The following PARP12 variants were observed in gnomAD, a reference collection of about 807,000 sequenced individuals.
PARP12 encodes protein mono-ADP-ribosyltransferase PARP12.
In PARP12, 59 loss-of-function variants were observed where a neutral mutation model predicts 72.4. The ratio of observed to expected loss-of-function variants is 0.81; its 90% CI spans 0.66 to 1.01. The LOEUF is 1.01. Ranked by LOEUF, PARP12 falls within the 50% of genes least tolerant of loss-of-function variation. The pLI is 0.00. For synonymous variants in PARP12, 403 were observed against 371.4 expected, an observed-to-expected ratio of 1.09 and a Z score of -0.98; for missense variants, 851 against 914.0, an observed-to-expected ratio of 0.93 and a Z score of 0.89.
intron 4 of PARP12, among the ~76,000 whole-genome samples, chr7:140,050,264 A>G (rs918521214): frequency 4.6e-5 from 7 of 152,204 alleles, no homozygotes; most frequent in Non-Finnish European, 7.3e-5. Flanking sequence ...ACCCAGGCCA[A>G]TCCCAATGAG....
At chr7:140,040,276 C>T (rs1017877792) in intron 6 of PARP12, among the ~76,000 whole-genome samples, 6 of 152,182 alleles carry the variant, frequency 3.9e-5, no homozygotes, top group Admixed American at 3.9e-4. Flanking sequence ...ACCCAGAGAG[C>T]TTATCTGGAT....
intron 8 of PARP12, among the ~76,000 whole-genome samples, chr7:140,030,784 A>G (rs1193020571): frequency 1.3e-5 from 2 of 152,168 alleles, no homozygotes; most frequent in Non-Finnish European, 2.9e-5. Context: ...AAACATTATG[A>G]GATTTTCTTG....
chr7:140,028,645 C>T lies in PARP12; in HGVS notation c.1465G>A (p.Asp489Asn). Reference sequence around the variant, plus strand: ...CCTGGGTCTGGCAGGGCAGAGGAGTCCCAATAGTCTGGGATGCTCTTCGGG... The same window carrying T: ...CCTGGGTCTGGCAGGGCAGAGGAGTTCCAATAGTCTGGGATGCTCTTCGGG... ...PGPKSIPDYW[D>N]SSALPDPGFQ... The change falls in exon 9 of 12, where the codon GAC becomes AAC. Residue 489 changes from aspartate to asparagine, a missense_variant. Transcript: ENST00000263549. 1 of 1,604,028 alleles carries T rather than the reference C, an allele frequency of 6.2e-7. No individual in the cohort carries two copies.
In PARP12 at chr7:140,024,531, G is replaced by A. The variant is rs772151685; in HGVS notation, c.*29C>T. 10 of 1,610,666 alleles carry A rather than the reference G, an allele frequency of 6.2e-6. No individual in the cohort carries two copies. The highest frequency in any genetic ancestry group is 8.5e-6 in the Non-Finnish European group (10 of 1,177,212). On this transcript the variant is annotated 3_prime_UTR_variant, in exon 12 of 12. Coordinates refer to ENST00000263549, the MANE Select transcript of PARP12 (RefSeq NM_022750.4). ...CAAATAGCCATTTCAAGGCAGAGCA[G>A]GTGAAAGGCCTGGAACACTCCTGTG...
chr7:140,060,866 T>C (rs911849356), intron 1 of PARP12, among the ~76,000 whole-genome samples: 1 of 152,138 alleles, frequency 6.6e-6, no homozygotes, highest in Non-Finnish European at 1.5e-5. Flanking sequence ...AACTACAACA[T>C]ACACCGCCCA....
chr7:140,058,507 A>G (rs1352932551), intron 1 of PARP12, among the ~76,000 whole-genome samples: 1 of 151,870 alleles, frequency 6.6e-6, no homozygotes, highest in Non-Finnish European at 1.5e-5. Context: ...CTCAAAAAAA[A>G]AAAAAAGAAG....
Position 140,024,652 on chromosome 7 carries a change from C to A in PARP12, c.2014G>T (p.Glu672Ter). The A allele has an allele frequency of 6.2e-7, 1 of 1,614,136 alleles. No homozygotes were observed. Among genetic ancestry groups the A allele is most frequent in the Non-Finnish European group, 8.5e-7 (1 of 1,180,008 alleles). ...GAGGTGGTGTACTGGATGACATACT[C>A]TGGGTAGACCTGGTGTTTCTCAAAG... Reference protein sequence around the residue: ...VIFEKHQVYPEYVIQYTTSSK... With the variant: ...VIFEKHQVYP The change falls in exon 12 of 12, where the codon GAG (glutamate) becomes TAG (stop). Residue 672 changes from glutamate (E) to a stop codon, truncating the protein, a stop_gained. Coordinates refer to ENST00000263549, the MANE Select transcript of PARP12 (RefSeq NM_022750.4). LOFTEE classifies it low-confidence loss of function (END_TRUNC).
At chr7:140,027,582 T>A (rs1815784314) in intron 9 of PARP12, 176 bp from the exon 10 acceptor site, 1 of 629,100 alleles carries the variant, frequency 1.6e-6, no homozygotes, top group Non-Finnish European at 2.6e-6. Context: ...TCATGAAATG[T>A]CATTGATAGG....
intron 5 of PARP12, among the ~76,000 whole-genome samples, chr7:140,045,171 AG>A (rs1397922519): frequency 6.6e-6 from 1 of 152,142 alleles, no homozygotes; most frequent in African/African-American, 2.4e-5. Context: ...CTGGGACTAC[AG>A]GCACGCGCCA....
intron 1 of PARP12, among the ~76,000 whole-genome samples, chr7:140,061,637 C>T (rs1280542476): frequency 2.0e-5 from 3 of 152,144 alleles, no homozygotes; most frequent in Non-Finnish European, 2.9e-5. Flanking sequence ...CCATTTTACC[C>T]GCCCCATCAC....
chr7:140,043,226 A>T (rs1266569676), intron 5 of PARP12, among the ~76,000 whole-genome samples: 3 of 152,188 alleles, frequency 2.0e-5, no homozygotes, highest in Non-Finnish European at 4.4e-5. Context: ...AATTTCCATC[A>T]AATCAAACAT....
At chr7:140,028,758 TC>T (rs1815831237) in intron 8 of PARP12, 70 bp from the exon 9 acceptor site, 4 of 1,346,294 alleles carry the variant, frequency 3.0e-6, no homozygotes, top group Non-Finnish European at 4.1e-6. Context: ...ATAGGTGGTC[TC>T]TGCTAGCCAA....
intron 10 of PARP12, among the ~76,000 whole-genome samples, chr7:140,026,988 G>A (rs1408508224): frequency 2.0e-5 from 3 of 152,182 alleles, no homozygotes; most frequent in African/African-American, 4.8e-5. Flanking sequence ...CATCCCACTG[G>A]TCTCCAGGAA....
chr7:140,035,346 C>A (rs1017140521), intron 7 of PARP12, among the ~76,000 whole-genome samples: 1 of 152,218 alleles, frequency 6.6e-6, no homozygotes, highest in Non-Finnish European at 1.5e-5. Context: ...TACTGGCCTA[C>A]TGGCCATCTG....
rs1277833412 is a variant in PARP12 at position 140,024,251 on chromosome 7, T to C, written c.*309A>G. 5.3e-6 allele frequency: 2 copies of C among 380,144 alleles called. No individual in the cohort carries two copies. Among genetic ancestry groups the C allele is most frequent in the Non-Finnish European group, 1.0e-5 (2 of 200,638 alleles). 23.5% of individuals were successfully genotyped at this position (380,144 alleles called of 1,614,324 possible). A position where few individuals can be genotyped will look rare whatever the true frequency, so the allele number is the denominator to read the frequency against. ...AAATTAAAACCAATCCATAAAATTG[T>C]ATCTAGAAACTCTGTCCCTGGTGCC... is the stretch of plus-strand genomic sequence containing the variant. On this transcript the variant is annotated 3_prime_UTR_variant, in exon 12 of 12. Coordinates refer to ENST00000263549, the MANE Select transcript of PARP12 (RefSeq NM_022750.4).
At chr7:140,054,624 C>G (rs778958371) in intron 4 of PARP12, 38 bp downstream of exon 4, 5 of 1,494,248 alleles carry the variant, frequency 3.3e-6, no homozygotes, top group Non-Finnish European at 4.7e-6. Flanking sequence ...GCAGTTACCC[C>G]TCCCACAAGT....
chr7:140,062,673 C>T lies in PARP12; in HGVS notation c.175G>A (p.Ala59Thr). The T allele has an allele frequency of 7.9e-7, 1 of 1,269,018 alleles. No homozygotes were observed. Among genetic ancestry groups the T allele is most frequent in the Non-Finnish European group, 9.9e-7 (1 of 1,011,190 alleles). The allele number at this position is 1,269,018 out of a possible 1,614,324, so 78.6% of individuals were successfully genotyped here. A position where few individuals can be genotyped will look rare whatever the true frequency, so the allele number is the denominator to read the frequency against. ...AGCACCACGCGCTCCGGGGCCGCGGCTGCGCCGCCCGCCCGCACCGCCACC... is the reference window on the plus strand; with the variant it reads ...AGCACCACGCGCTCCGGGGCCGCGGTTGCGCCGCCCGCCCGCACCGCCACC... ...FVVAVRAGGA[A>T]AAPERVVLAA... is the part of the protein sequence containing the mutation. The change falls in exon 1 of 12, where the codon GCC (alanine) becomes ACC (threonine). Residue 59 changes from alanine to threonine, a missense_variant. By Grantham distance (58) the Ala-to-Thr change is moderately conservative. This residue lies in a region of PARP12 where 492 missense variants were observed against 489.3 expected (regional missense o/e 1.01). Coordinates refer to ENST00000263549, the MANE Select transcript of PARP12 (RefSeq NM_022750.4).
Position 140,056,988 on chromosome 7 carries a change from A to G in PARP12, c.628T>C (p.Leu210=). The G allele has an allele frequency of 6.2e-7, 1 of 1,614,046 alleles. No individual in the cohort carries two copies. The highest frequency in any genetic ancestry group is 8.5e-7 in the Non-Finnish European group (1 of 1,180,030). ...DFSNSENLEK[L]EKLGMSSDLV... is the part of the protein sequence containing the mutation. ...TCTGAGCTCATACCCAACTTCTCCA[A>G]TTTTTCCAGATTCTCAGAATTAGAG... The change falls in exon 3 of 12, where the codon TTG becomes CTG. Residue 210 remains leucine (L), a synonymous_variant. Transcript: ENST00000263549.
Position 140,057,902 on chromosome 7 carries a change from T to C in PARP12, c.459A>G (p.Pro153=), listed in dbSNP as rs1401708420. 3 of 1,614,184 alleles carry C rather than the reference T, an allele frequency of 1.9e-6. No individual in the cohort carries two copies. Among genetic ancestry groups the C allele is most frequent in the East Asian group, 4.5e-5 (2 of 44,884 alleles). The change falls in exon 2 of 12, where the codon CCA becomes CCG. Residue 153 remains proline, a synonymous_variant. Transcript: ENST00000263549. ...LLFQNDPWLL[P]EICQHYNKGD... is the part of the protein sequence containing the mutation. Reference sequence around the variant, plus strand: ...CCAGACTTCCCCTGGCACTCACTTCTGGCAAAAGCCAGGGGTCGTTCTGAA... The same window carrying C: ...CCAGACTTCCCCTGGCACTCACTTCCGGCAAAAGCCAGGGGTCGTTCTGAA...
Sources: allele counts gnomAD v4.1 joint callset (sites outside exome capture counted in the v4.1 genomes callset), GRCh38; gene constraint gnomAD v4.1.1; regional missense constraint gnomAD v4.1.1; transcripts MANE v1.5; gene names NCBI Gene and HGNC (gene_info 2026-07-23, HGNC 2026-07-21).